The following KHDRBS3 variants were observed in gnomAD, a reference collection of about 807,000 sequenced individuals.
The protein encoded by KHDRBS3 is KH RNA binding domain containing, signal transduction associated 3, also known as KH domain-containing, RNA-binding, signal transduction-associated protein 3.
A neutral mutation model predicts 45.6 loss-of-function variants in KHDRBS3; 23 were observed. That is an observed-to-expected ratio of 0.50 (90% CI 0.36 to 0.72). The LOEUF is 0.72. KHDRBS3 is among the 30% of genes least tolerant of loss of function. KHDRBS3 has a pLI of 0.00. For synonymous variants in KHDRBS3, 162 were observed against 156.5 expected, an observed-to-expected ratio of 1.04 and a Z score of -0.26; for missense variants, 352 against 424.8, an observed-to-expected ratio of 0.83 and a Z score of 1.51.
At chr8:135,642,824 C>T (rs1212854121) in intron 7 of KHDRBS3, among the ~76,000 whole-genome samples, 19 of 148,646 alleles carry the variant, frequency 1.3e-4, no homozygotes, top group African/African-American at 4.2e-4. Flanking sequence ...GATGGAGTCT[C>T]GCTCTGTCGC....
At chr8:135,464,785 C>G (rs954334998) in intron 1 of KHDRBS3, among the ~76,000 whole-genome samples, 1 of 151,986 alleles carries the variant, frequency 6.6e-6, no homozygotes, top group African/African-American at 2.4e-5. Flanking sequence ...ATGAGAAAAC[C>G]GAGGTCAGGA....
intron 1 of KHDRBS3, among the ~76,000 whole-genome samples, chr8:135,509,506 A>G (rs1456050026): frequency 6.6e-6 from 1 of 152,152 alleles, no homozygotes; most frequent in Non-Finnish European, 1.5e-5. Context: ...TCCCATCTTC[A>G]ATTTCTACTC....
intron 7 of KHDRBS3, among the ~76,000 whole-genome samples, chr8:135,609,005 G>T (rs1337865233): frequency 6.6e-6 from 1 of 152,222 alleles, no homozygotes; most frequent in African/African-American, 2.4e-5. Flanking sequence ...GGGTGAGTCA[G>T]TGAGTGAGTG....
At chr8:135,518,631 A>C (rs1824748134) in intron 1 of KHDRBS3, among the ~76,000 whole-genome samples, 1 of 152,212 alleles carries the variant, frequency 6.6e-6, no homozygotes, top group Non-Finnish European at 1.5e-5. Flanking sequence ...TAAATAGATA[A>C]TGAAGGGTGG....
At chr8:135,469,819 G>T (rs113235293) in intron 1 of KHDRBS3, among the ~76,000 whole-genome samples, 1 of 152,076 alleles carries the variant, frequency 6.6e-6, no homozygotes. Context: ...GAGCCACCGC[G>T]CCCGGCCAGG....
intron 8 of KHDRBS3, among the ~76,000 whole-genome samples, chr8:135,646,684 A>G (rs914955443): frequency 2.0e-5 from 3 of 152,194 alleles, no homozygotes; most frequent in Non-Finnish European, 2.9e-5. Context: ...TCTCTTTGCT[A>G]CTTGAGCTTG....
At chr8:135,544,106 A>T (rs1286299055) in intron 3 of KHDRBS3, among the ~76,000 whole-genome samples, 4 of 152,048 alleles carry the variant, frequency 2.6e-5, no homozygotes, top group African/African-American at 9.7e-5. Context: ...GCAGGAAAGT[A>T]CTCTACCCTT....
At chr8:135,588,938 A>G (rs1828615097) in intron 6 of KHDRBS3, among the ~76,000 whole-genome samples, 1 of 152,172 alleles carries the variant, frequency 6.6e-6, no homozygotes. Context: ...GATGAATGGC[A>G]CTACCATATA....
chr8:135,579,524 A>G (rs993221357), intron 5 of KHDRBS3, among the ~76,000 whole-genome samples: 1 of 152,032 alleles, frequency 6.6e-6, no homozygotes, highest in African/African-American at 2.4e-5. Context: ...TTCAGTAGAG[A>G]CGGGGTTTCA....
At chr8:135,506,826 A>G (rs905457795) in intron 1 of KHDRBS3, among the ~76,000 whole-genome samples, 16 of 151,802 alleles carry the variant, frequency 1.1e-4, no homozygotes, top group Non-Finnish European at 2.1e-4. Context: ...TCCTAATTGT[A>G]CCATTGTTTT....
intron 1 of KHDRBS3, among the ~76,000 whole-genome samples, chr8:135,504,119 G>T (rs1171761197): frequency 6.6e-6 from 1 of 152,080 alleles, no homozygotes; most frequent in African/African-American, 2.4e-5. Context: ...GTAAGTAAGT[G>T]CTGGCCTGTG....
chr8:135,479,058 A>G (rs1239333962), intron 1 of KHDRBS3, among the ~76,000 whole-genome samples: 6 of 152,222 alleles, frequency 3.9e-5, no homozygotes, highest in Non-Finnish European at 5.9e-5. Flanking sequence ...CTTTAGCTAC[A>G]TGGACTAAAA....
rs964983511 is a variant in KHDRBS3, at chr8:135,636,983, TA to T, written c.891-8075del. On this transcript the variant is annotated intron_variant, in intron 7 of 8. Transcript: ENST00000355849. Reference sequence around the variant, plus strand: ...AGTCGTAGCAGTGGCATTGCCCTAGTAGGAGCACTAGTGAACAAGGACCAAG... The same window carrying T: ...AGTCGTAGCAGTGGCATTGCCCTAGTGGAGCACTAGTGAACAAGGACCAAG... Among the ~76,000 whole-genome samples the T allele has an allele frequency of 8.5e-5, 13 of 152,226 alleles. No individual in the cohort carries two copies. In the East Asian group the frequency reaches 2.3e-3, roughly 27 times the overall value.
chr8:135,625,368 C>A, intron 7 of KHDRBS3: 2 of 887,290 alleles, frequency 2.3e-6, no homozygotes, highest in South Asian at 2.7e-5. Context: ...AAGTCTTCAA[C>A]GGTAAGTTTC....
At chr8:135,542,335 A>C (rs1056714781) in intron 2 of KHDRBS3, 9 of 255,266 alleles carry the variant, frequency 3.5e-5, no homozygotes, top group Non-Finnish European at 6.1e-5. Context: ...AGAAGTGTTC[A>C]TTCATGGTGA....
chr8:135,488,348 C>T (rs1001800382), intron 1 of KHDRBS3, among the ~76,000 whole-genome samples: 15 of 152,142 alleles, frequency 9.9e-5, no homozygotes, highest in Middle Eastern at 3.4e-3. Context: ...GTCAGGTATA[C>T]GTGATAAGTT....
At chr8:135,633,319 T>A (rs1034865645) in intron 7 of KHDRBS3, among the ~76,000 whole-genome samples, 1 of 152,204 alleles carries the variant, frequency 6.6e-6, no homozygotes, top group African/African-American at 2.4e-5. Context: ...AGGAGCTCTC[T>A]CTCCTGCACA....
At chr8:135,625,326 G>A in intron 7 of KHDRBS3, 1 of 1,051,502 alleles carries the variant, frequency 9.5e-7, no homozygotes, top group Non-Finnish European at 1.5e-6. Context: ...ATGTTCTATA[G>A]CTTTCCGAAG....
At chr8:135,562,146 CTCAG>C (rs1158899796) in intron 5 of KHDRBS3, among the ~76,000 whole-genome samples, 9 of 152,240 alleles carry the variant, frequency 5.9e-5, no homozygotes, top group East Asian at 1.9e-4. Flanking sequence ...TTGTCACTCA[CTCAG>C]TCACTCACCC....
Sources: allele counts gnomAD v4.1 joint callset (sites outside exome capture counted in the v4.1 genomes callset), GRCh38; gene constraint gnomAD v4.1.1; transcripts MANE v1.5; gene names NCBI Gene and HGNC (gene_info 2026-07-23, HGNC 2026-07-21).